FXYD6: variants seen among roughly 807,000 people sequenced by gnomAD.
The protein encoded by FXYD6 is FXYD domain containing ion transport regulator 6, also known as FXYD domain-containing ion transport regulator 6.
FXYD6 carries 7 observed loss-of-function variants against 16.7 expected under a neutral mutation model. The observed-to-expected ratio is 0.42, with a 90% CI of 0.24 to 0.79. FXYD6 has a LOEUF of 0.79. Among genes scored for constraint, FXYD6 ranks in the 30% least tolerant of loss-of-function variants. The pLI is 0.28. For synonymous variants in FXYD6, 49 were observed against 43.0 expected (o/e 1.14, Z -0.54); for missense variants, 111 against 116.2 (o/e 0.95, Z 0.21).
chr11:117,870,754 C>T lies in FXYD6; in HGVS notation c.-6+5838G>A, dbSNP rs1158386417. Reference sequence around the variant, plus strand: ...GTCTCTGTTTCAGGAAACACATTATCCCCTCCCTCCCCTCAATGCATCCTC... The same window carrying T: ...GTCTCTGTTTCAGGAAACACATTATTCCCTCCCTCCCCTCAATGCATCCTC... On this transcript the variant is annotated intron_variant, in intron 1 of 7. Transcript: ENST00000526014. This position sits in a 1 kb window ranked among gnomAD's most constrained non-coding sequence, Gnocchi z 4.2. 2.0e-5 allele frequency among the ~76,000 whole-genome samples: 3 copies of T among 152,050 alleles called. No homozygotes were observed. The highest frequency in any genetic ancestry group is 4.4e-5 in the Non-Finnish European group (3 of 68,024).
At chr11:117,861,555 ACGG>A (rs2056907908) in intron 1 of FXYD6, among the ~76,000 whole-genome samples, 3 of 152,230 alleles carry the variant, frequency 2.0e-5, no homozygotes, top group Non-Finnish European at 4.4e-5. Context: ...CGGCCTGTGG[ACGG>A]AGCTGAGTGC....
chr11:117,862,350 A>G (rs2056925511), intron 1 of FXYD6, among the ~76,000 whole-genome samples: 1 of 152,136 alleles, frequency 6.6e-6, no homozygotes, highest in African/African-American at 2.4e-5. Flanking sequence ...ACCATGCCCT[A>G]GGTGCCTCCA....
chr11:117,843,429 C>T (rs982251691), intron 1 of FXYD6, among the ~76,000 whole-genome samples: 2 of 152,294 alleles, frequency 1.3e-5, no homozygotes, highest in Middle Eastern at 3.4e-3. Flanking sequence ...GCCTCTGGGA[C>T]GTGACTTTGA....
chr11:117,840,582 A>G (rs2056315500), intron 5 of FXYD6, among the ~76,000 whole-genome samples: 1 of 152,122 alleles, frequency 6.6e-6, no homozygotes, highest in Admixed American at 6.5e-5. Context: ...GCACCCTTCA[A>G]TGTCAGCCCT....
intron 1 of FXYD6, among the ~76,000 whole-genome samples, chr11:117,853,111 G>A (rs991987979): frequency 1.3e-5 from 2 of 152,098 alleles, no homozygotes; most frequent in African/African-American, 2.4e-5. Flanking sequence ...ATCCTTGGGG[G>A]TCAAAATCTA....
intron 1 of FXYD6, 79 bp downstream of exon 1, chr11:117,876,513 C>G (rs2057271833): frequency 6.6e-6 from 1 of 152,480 alleles, no homozygotes; most frequent in African/African-American, 2.4e-5. Context: ...GCTCCCGGCG[C>G]TCCAGAGATC....
chr11:117,851,635 A>G (rs1167340399), intron 1 of FXYD6, among the ~76,000 whole-genome samples: 4 of 152,200 alleles, frequency 2.6e-5, no homozygotes, highest in African/African-American at 9.7e-5. Context: ...TTTGTTCACC[A>G]TTGTTTTTGA....
At chr11:117,843,968 A>C (rs1194477602) in intron 1 of FXYD6, 1 of 152,230 alleles carries the variant, frequency 6.6e-6, no homozygotes, top group Non-Finnish European at 1.5e-5. Flanking sequence ...TAAGAGCCAG[A>C]GAGGAGACAG....
At chr11:117,855,858 C>A (rs1413189118) in intron 1 of FXYD6, among the ~76,000 whole-genome samples, 1 of 152,192 alleles carries the variant, frequency 6.6e-6, no homozygotes, top group Non-Finnish European at 1.5e-5. Flanking sequence ...GACTCCCTGG[C>A]TGCTTCACTC....
At chr11:117,874,653 G>A (rs1565335046) in intron 1 of FXYD6, among the ~76,000 whole-genome samples, 1 of 152,212 alleles carries the variant, frequency 6.6e-6, no homozygotes, top group Non-Finnish European at 1.5e-5. Flanking sequence ...AGCCTCCGAT[G>A]GTCCCAGAGC....
intron 1 of FXYD6, chr11:117,844,313 A>G (rs2056424251): frequency 6.6e-6 from 1 of 152,148 alleles, no homozygotes; most frequent in South Asian, 2.1e-4. Flanking sequence ...TATGTATAAA[A>G]ATATATGTAA....
Position 117,839,979 on chromosome 11 carries a change from T to C in FXYD6, c.260-149A>G, listed in dbSNP as rs1452893808. 1.2e-5 allele frequency: 12 copies of C among 994,174 alleles called. No homozygotes were observed. The African/African-American group carries it at 1.9e-4, about 16-fold the overall frequency. 61.6% of individuals were successfully genotyped at this position (994,174 alleles called of 1,614,324 possible). A position where few individuals can be genotyped will look rare whatever the true frequency, so the allele number is the denominator to read the frequency against. On this transcript the variant is annotated intron_variant, in intron 6 of 7. Transcript: ENST00000526014. Reference sequence around the variant, plus strand: ...AGTCAGAACGATCTGGGTTCAATCCTGGCCCTGCTACTTGCTGCTTACAGG... The same window carrying C: ...AGTCAGAACGATCTGGGTTCAATCCCGGCCCTGCTACTTGCTGCTTACAGG...
intron 1 of FXYD6, among the ~76,000 whole-genome samples, chr11:117,847,897 G>T (rs1284412411): frequency 6.6e-6 from 1 of 152,168 alleles, no homozygotes; most frequent in Non-Finnish European, 1.5e-5. Flanking sequence ...GGATGGCTGG[G>T]TCAAATGGTA....
intron 1 of FXYD6, among the ~76,000 whole-genome samples, chr11:117,849,824 C>T (rs1338101565): frequency 2.6e-5 from 4 of 152,104 alleles, no homozygotes; most frequent in Non-Finnish European, 4.4e-5. Context: ...TTACAGATAA[C>T]ATTCATAGGT....
At chr11:117,866,335 G>A (rs2057013461) in intron 1 of FXYD6, among the ~76,000 whole-genome samples, 1 of 152,080 alleles carries the variant, frequency 6.6e-6, no homozygotes, top group African/African-American at 2.4e-5. Flanking sequence ...AAACTGGGGG[G>A]GAAATGGGTA....
chr11:117,873,499 T>C (rs1255587033), intron 1 of FXYD6, among the ~76,000 whole-genome samples: 1 of 152,254 alleles, frequency 6.6e-6, no homozygotes, highest in Non-Finnish European at 1.5e-5. Context: ...TGAACGCATT[T>C]GCCTTTCGGT....
chr11:117,865,916 C>T (rs1484154044), intron 1 of FXYD6, among the ~76,000 whole-genome samples: 1 of 123,444 alleles, frequency 8.1e-6, no homozygotes, highest in African/African-American at 3.4e-5. Flanking sequence ...AACAAGATTC[C>T]ATCTCAAAAA....
chr11:117,840,097 T>C, intron 6 of FXYD6: 1 of 651,896 alleles, frequency 1.5e-6, no homozygotes. Context: ...ATGGGGTCTG[T>C]GCCTGGCACA....
At chr11:117,858,695 CTTTCTT>C (rs754869520) in intron 1 of FXYD6, among the ~76,000 whole-genome samples, 6,624 of 80,168 alleles carry the variant, frequency 0.083, 407 homozygotes, top group Middle Eastern at 0.13. Context: ...TTCTTTCTTT[CTTTCTT>C]TCTCTCTCTC....
Sources: gnomAD v4.1 joint callset for allele counts (sites outside exome capture counted in the v4.1 genomes callset) on GRCh38, gnomAD v4.1.1 for gene constraint, Gnocchi (gnomAD v3.1) non-coding constraint, MANE v1.5 for transcripts, NCBI Gene and HGNC (gene_info 2026-07-23, HGNC 2026-07-21) for gene names.